Variants in MCF2L observed in about 807,000 individuals in gnomAD.
MCF2L encodes the protein guanine nucleotide exchange factor DBS.
A neutral mutation model predicts 153.4 loss-of-function variants in MCF2L; 97 were observed. The observed-to-expected ratio is 0.63, with a 90% CI of 0.54 to 0.75. MCF2L has a LOEUF of 0.75. Ranked by LOEUF, MCF2L falls within the 30% of genes least tolerant of loss-of-function variation. MCF2L has a pLI of 0.00. For synonymous variants in MCF2L, 659 were observed against 632.2 expected, an observed-to-expected ratio of 1.04 and a Z score of -0.64; for missense variants, 1,347 against 1,495.2, an observed-to-expected ratio of 0.90 and a Z score of 1.64.
chr13:113,009,898 T>C (rs2083966303), intron 1 of MCF2L: 1 of 152,226 alleles, frequency 6.6e-6, no homozygotes, highest in Non-Finnish European at 1.5e-5. Context: ...GCAGAAGCCT[T>C]TGGGAATGGG....
chr13:113,056,213 C>A (rs2087757592), intron 4 of MCF2L, among the ~76,000 whole-genome samples: 1 of 152,238 alleles, frequency 6.6e-6, no homozygotes, highest in Non-Finnish European at 1.5e-5. Context: ...AGGGGCACAT[C>A]TCTGGTTTTA....
chr13:112,916,949 C>T (rs1362312482), intron 2 of MCF2L, among the ~76,000 whole-genome samples: 2 of 152,156 alleles, frequency 1.3e-5, no homozygotes, highest in Non-Finnish European at 2.9e-5. Flanking sequence ...CTCTGAGGGT[C>T]CTGCACGCTC....
In MCF2L at chr13:113,045,169, G is replaced by A; in HGVS notation, c.279-102G>A. 8.4e-6 allele frequency: 9 copies of A among 1,074,046 alleles called. No homozygotes were observed. Among genetic ancestry groups the A allele is most frequent in the Non-Finnish European group, 1.3e-5 (9 of 692,812 alleles). 66.5% of individuals were successfully genotyped at this position (1,074,046 alleles called of 1,614,324 possible). On this transcript the variant is annotated intron_variant, in intron 3 of 29. Coordinates refer to ENST00000535094, the MANE Select transcript of MCF2L (RefSeq NM_001112732.3). This position sits in a 1 kb window ranked among gnomAD's most constrained non-coding sequence, Gnocchi z 4.2. Reference sequence around the variant, plus strand: ...CCTGGTATTGCAGAAATGGCATCATGAATATGGGGGATCGCTCTCCCAAGA... The same window carrying A: ...CCTGGTATTGCAGAAATGGCATCATAAATATGGGGGATCGCTCTCCCAAGA...
rs2087546250 is a variant in MCF2L at position 113,053,949 on chromosome 13, G to A, written c.370-6644G>A. Among the ~76,000 whole-genome samples, 1 of 152,130 alleles carries A rather than the reference G, an allele frequency of 6.6e-6. No homozygotes were observed. On this transcript the variant is annotated intron_variant, in intron 4 of 29. Coordinates refer to ENST00000535094, the MANE Select transcript of MCF2L (RefSeq NM_001112732.3). This position sits in a 1 kb window ranked among gnomAD's most constrained non-coding sequence, Gnocchi z 4.4. ...CCCGAATACTCCTCAACTCTTGATG[G>A]GAGCTCAGTTCACACGGCTCCGAAT...
chr13:113,002,837 CA>C (rs1008800619), intron 1 of MCF2L, among the ~76,000 whole-genome samples: 1 of 152,124 alleles, frequency 6.6e-6, no homozygotes, highest in Admixed American at 6.5e-5. Flanking sequence ...CCTTAACTAT[CA>C]ACGGCAATGA....
intron 2 of MCF2L, among the ~76,000 whole-genome samples, chr13:112,924,401 A>C (rs1484977699): frequency 6.6e-6 from 1 of 152,236 alleles, no homozygotes; most frequent in Non-Finnish European, 1.5e-5. Context: ...CAAAAAAATA[A>C]GGGAATTAAT....
intron 1 of MCF2L, among the ~76,000 whole-genome samples, chr13:112,971,675 C>T (rs1283724905): frequency 2.0e-5 from 3 of 152,212 alleles, no homozygotes; most frequent in Non-Finnish European, 4.4e-5. Context: ...ATAATGTGTG[C>T]TGTCCATATG....
intron 1 of MCF2L, among the ~76,000 whole-genome samples, chr13:112,976,203 T>TGC (rs1283476638): frequency 6.6e-6 from 1 of 151,776 alleles, no homozygotes; most frequent in Non-Finnish European, 1.5e-5. Flanking sequence ...TGTGTGTGTG[T>TGC]GTGTGTTTGC....
In MCF2L at chr13:113,074,960, AAG is replaced by A. The variant is rs768994607; in HGVS notation, c.1117-35_1117-34del. The A allele has an allele frequency of 5.2e-6, 8 of 1,552,966 alleles. No individual in the cohort carries two copies. The Admixed American group carries it at 1.1e-4, about 21-fold the overall frequency. ...CAAGGCACTGTGTGCCTCGAACAGA[AAG>A]AGGCCTGAGCTGGTCCTCTGGGTGG... On this transcript the variant is annotated intron_variant, in intron 10 of 29. Coordinates refer to ENST00000535094, the MANE Select transcript of MCF2L (RefSeq NM_001112732.3). The surrounding 1 kb of genome is among the most constrained non-coding windows in gnomAD (Gnocchi z 4.2).
intron 1 of MCF2L, among the ~76,000 whole-genome samples, chr13:112,978,995 C>T (rs1594450918): frequency 1.3e-5 from 2 of 152,260 alleles, no homozygotes; most frequent in Non-Finnish European, 2.9e-5. Flanking sequence ...CCCTCGGAAG[C>T]AGCCATGGGG....
chr13:113,065,924 T>C, intron 7 of MCF2L, 122 bp from the exon 8 acceptor site: 1 of 996,182 alleles, frequency 1.0e-6, no homozygotes, highest in Middle Eastern at 3.3e-4. Context: ...GACTCGGGGG[T>C]CGGGGATTGA....
chr13:113,037,758 C>T (rs1046858221), intron 3 of MCF2L, among the ~76,000 whole-genome samples: 1 of 152,188 alleles, frequency 6.6e-6, no homozygotes, highest in African/African-American at 2.4e-5. Context: ...AGGTATTGAA[C>T]GCTTTGCCGC....
intron 3 of MCF2L, chr13:113,034,053 T>C (rs1034189678): frequency 6.0e-6 from 1 of 166,802 alleles, no homozygotes; most frequent in Admixed American, 6.5e-5. Context: ...ATTCAACAGC[T>C]ACTGACCACC....
chr13:113,096,772 A>T lies in MCF2L; in HGVS notation c.3293-2A>T. 1 of 1,567,840 alleles carries T rather than the reference A, an allele frequency of 6.4e-7. No homozygotes were observed. ...GCCCGTCCCCGCCTGATCTCCCCGC[A>T]GAGTCGAGCCCGGGGTCGGCCGTGC... On this transcript the variant is annotated splice_acceptor_variant, in intron 29 of 29. Transcript: ENST00000535094. LOFTEE classifies it high-confidence loss of function.
At chr13:113,014,650 G>A (rs2084391413) in intron 1 of MCF2L, 113 bp from the exon 2 acceptor site, 35 of 776,020 alleles carry the variant, frequency 4.5e-5, no homozygotes, top group South Asian at 3.4e-4. Context: ...GCCACGTGAC[G>A]CCACTCCCGT....
At chr13:113,049,505 G>A (rs866367580) in intron 4 of MCF2L, among the ~76,000 whole-genome samples, 6 of 152,242 alleles carry the variant, frequency 3.9e-5, no homozygotes, top group Middle Eastern at 3.2e-3. Flanking sequence ...TGGCTGCAGC[G>A]GGGCACCTGG....
chr13:112,904,327 C>T lies in MCF2L; in HGVS notation c.169+1956C>T, dbSNP rs548410366. On this transcript the variant is annotated intron_variant, in intron 2 of 29. Coordinates refer to the MCF2L transcript ENST00000375608. The surrounding 1 kb of genome is among the most constrained non-coding windows in gnomAD (Gnocchi z 4.2). ...GGCTCAGGAGCATGTCAGGGTCCAC[C>T]GTGCACCAGCCGTGGAGCAGAGCCT... Among the ~76,000 whole-genome samples the T allele has an allele frequency of 5.9e-5, 9 of 152,252 alleles. No individual in the cohort carries two copies. Among genetic ancestry groups the T allele is most frequent in the South Asian group, 2.1e-4 (1 of 4,820 alleles).
chr13:113,065,641 G>A (rs930612659), intron 7 of MCF2L, among the ~76,000 whole-genome samples: 4 of 152,246 alleles, frequency 2.6e-5, no homozygotes, highest in African/African-American at 2.4e-5. Flanking sequence ...CCACCGGCAC[G>A]CTGCTGGCTT....
intron 2 of MCF2L, among the ~76,000 whole-genome samples, chr13:112,911,704 C>T (rs2081235279): frequency 1.3e-5 from 2 of 152,254 alleles, no homozygotes; most frequent in Admixed American, 6.5e-5. Context: ...GGGCCTGCGC[C>T]AGCCTTTCCT....
Sources: allele counts gnomAD v4.1 joint callset (sites outside exome capture counted in the v4.1 genomes callset), GRCh38; gene constraint gnomAD v4.1.1; non-coding constraint Gnocchi (gnomAD v3.1); transcripts MANE v1.5; gene names NCBI Gene and HGNC (gene_info 2026-07-23, HGNC 2026-07-21).